EPHB2: variants seen among roughly 807,000 people sequenced by gnomAD.
The protein encoded by EPHB2 is ephrin type-B receptor 2.
In EPHB2, 18 loss-of-function variants were observed where a neutral mutation model predicts 96.4. The ratio of observed to expected loss-of-function variants is 0.19; its 90% confidence interval spans 0.13 to 0.28. The LOEUF is 0.28. EPHB2 is among the 10% of genes least tolerant of loss of function. EPHB2 has a pLI of 1.00. For synonymous variants in EPHB2, 506 were observed against 534.1 expected (o/e 0.95, Z 0.72); for missense variants, 989 against 1,355.4 (o/e 0.73, Z 4.25).
At chr1:22,823,313 G>A (rs1348060945) in intron 3 of EPHB2, among the ~76,000 whole-genome samples, 5 of 152,278 alleles carry the variant, frequency 3.3e-5, no homozygotes, top group Non-Finnish European at 4.4e-5. Context: ...GGAAGCCTTC[G>A]CTGACTCCTC....
rs1249080185 is a variant in EPHB2 at position 22,784,698 on chromosome 1, G to A, written c.433G>A (p.Glu145Lys). 5 of 1,613,974 alleles carry A rather than the reference G, an allele frequency of 3.1e-6. No individual in the cohort carries two copies. The highest frequency in any genetic ancestry group is 4.2e-6 in the Non-Finnish European group (5 of 1,180,030). ...GAAGGTGGATACCATTGCAGCCGAC[G>A]AGAGCTTCTCCCAGGTGGACCTGGG... ...WVKVDTIAAD[E>K]SFSQVDLGGR... The change falls in exon 3 of 16, where the codon GAG becomes AAG. Residue 145 changes from glutamate (E) to lysine (K), a missense_variant. Physicochemically the swap from Glu to Lys is moderately conservative, Grantham distance 56 (BLOSUM62 1). Coordinates refer to ENST00000374630, the MANE Select transcript of EPHB2 (RefSeq NM_017449.5). The surrounding 1 kb of genome is among the most constrained non-coding windows in gnomAD (Gnocchi z 5.1).
intron 5 of EPHB2, among the ~76,000 whole-genome samples, chr1:22,869,466 G>T (rs1009089960): frequency 6.6e-6 from 1 of 152,002 alleles, no homozygotes; most frequent in African/African-American, 2.4e-5. Flanking sequence ...ACAGGCAGGA[G>T]AAATCATCCT....
At chr1:22,890,318 G>A (rs1398279408) in intron 6 of EPHB2, among the ~76,000 whole-genome samples, 1 of 152,120 alleles carries the variant, frequency 6.6e-6, no homozygotes, top group Non-Finnish European at 1.5e-5. Context: ...GGATGTCAAG[G>A]AGGCTTCCTG....
intron 9 of EPHB2, among the ~76,000 whole-genome samples, chr1:22,898,758 A>G (rs572762630): frequency 7.9e-5 from 12 of 152,236 alleles, no homozygotes; most frequent in East Asian, 1.9e-4. Flanking sequence ...GGGAGAAGGT[A>G]GTGGGAAGTG....
chr1:22,755,400 G>A (rs1227164446), intron 1 of EPHB2, among the ~76,000 whole-genome samples: 2 of 152,162 alleles, frequency 1.3e-5, no homozygotes, highest in African/African-American at 4.8e-5. Flanking sequence ...TGCAGGGGAG[G>A]GGATGCCCCA....
rs1458534193 is a variant in EPHB2, at chr1:22,862,936, C to T, written c.812-101C>T. Reference sequence around the variant, plus strand: ...TTTCCAGCAGTGGTGCTGCATGGCCCCTCCGCGAGGCTGTGTGGCCCCTCC... The same window carrying T: ...TTTCCAGCAGTGGTGCTGCATGGCCTCTCCGCGAGGCTGTGTGGCCCCTCC... On this transcript the variant is annotated intron_variant, in intron 3 of 15. Transcript: ENST00000374630. 8 of 1,469,156 alleles carry T rather than the reference C, an allele frequency of 5.4e-6. No individual in the cohort carries two copies. In the East Asian group the frequency reaches 1.6e-4, roughly 29 times the overall value. The allele number at this position is 1,469,156 out of a possible 1,614,324, so 91.0% of individuals were successfully genotyped here.
At position 22,912,305 on chromosome 1, in the gene EPHB2, C is replaced by T. The variant is rs570902110; in HGVS notation, c.2697-139C>T. 9 of 1,233,850 alleles carry T rather than the reference C, an allele frequency of 7.3e-6. No homozygotes were observed. In the East Asian group the frequency reaches 9.5e-5, roughly 13 times the overall value. 76.4% of individuals were successfully genotyped at this position (1,233,850 alleles called of 1,614,324 possible). ...GCCCGCAATCATGCAGAAATACTCA[C>T]GTACATACCCCTTCACCTGTGTTCA... On this transcript the variant is annotated intron_variant, in intron 14 of 15. Transcript: ENST00000374630.
At chr1:22,864,306 A>G (rs1225666512) in intron 4 of EPHB2, among the ~76,000 whole-genome samples, 1 of 150,390 alleles carries the variant, frequency 6.6e-6, no homozygotes, top group Non-Finnish European at 1.5e-5. Context: ...TCGGCCTCCC[A>G]AAGTGCTGGG....
chr1:22,731,024 T>G (rs966884414), intron 1 of EPHB2, among the ~76,000 whole-genome samples: 1 of 151,942 alleles, frequency 6.6e-6, no homozygotes, highest in Admixed American at 6.6e-5. Flanking sequence ...CCTCACATAG[T>G]TTGGGGGATC....
chr1:22,745,569 C>A (rs891617962), intron 1 of EPHB2, among the ~76,000 whole-genome samples: 3 of 152,170 alleles, frequency 2.0e-5, no homozygotes, highest in Non-Finnish European at 2.9e-5. Flanking sequence ...ATGAGCTATA[C>A]CTCGATTAAA....
At chr1:22,819,207 CT>C (rs1645116562) in intron 3 of EPHB2, among the ~76,000 whole-genome samples, 1 of 67,640 alleles carries the variant, frequency 1.5e-5, no homozygotes, top group Non-Finnish European at 3.2e-5. Flanking sequence ...CAGCAGATGT[CT>C]CTCTCTCTCT....
rs114522169 is a variant in EPHB2, at chr1:22,798,228, G to A, written c.811+13152G>A. Reference sequence around the variant, plus strand: ...AGACATGGACCCTTTCAATCCTGCTGGGAGTAACGCTACTAACCAAGGCCC... The same window carrying A: ...AGACATGGACCCTTTCAATCCTGCTAGGAGTAACGCTACTAACCAAGGCCC... On this transcript the variant is annotated intron_variant, in intron 3 of 15. Coordinates refer to ENST00000374630, the MANE Select transcript of EPHB2 (RefSeq NM_017449.5). 5.1e-3 allele frequency among the ~76,000 whole-genome samples: 781 copies of A among 152,266 alleles called. 5 individuals are homozygous for A. Among genetic ancestry groups the A allele is most frequent in the African/African-American group, 0.018 (744 of 41,554 alleles).
chr1:22,826,835 G>A (rs1013571267), intron 3 of EPHB2, among the ~76,000 whole-genome samples: 34 of 152,298 alleles, frequency 2.2e-4, no homozygotes, highest in African/African-American at 8.2e-4. Context: ...CCCCAGGACA[G>A]CAAGCTCTTC....
At chr1:22,834,197 T>C (rs4654822) in intron 3 of EPHB2, among the ~76,000 whole-genome samples, 150,159 of 152,286 alleles carry the variant, frequency 0.99, 74,077 homozygotes, top group East Asian at 1. Context: ...AGCCCTGCTC[T>C]CAACAAAGAA....
intron 1 of EPHB2, among the ~76,000 whole-genome samples, chr1:22,746,610 A>G (rs1336990034): frequency 6.6e-6 from 1 of 152,214 alleles, no homozygotes; most frequent in Non-Finnish European, 1.5e-5. Context: ...GCAAAGAATA[A>G]CAAAACTTCC....
At chr1:22,868,068 G>A (rs780499244) in intron 5 of EPHB2, among the ~76,000 whole-genome samples, 24 of 152,124 alleles carry the variant, frequency 1.6e-4, no homozygotes, top group African/African-American at 3.6e-4. Context: ...CCCTGGTTGC[G>A]GGGAACTCTC....
chr1:22,759,815 CT>C (rs747791124), intron 1 of EPHB2, among the ~76,000 whole-genome samples: 2 of 152,174 alleles, frequency 1.3e-5, no homozygotes, highest in African/African-American at 2.4e-5. Flanking sequence ...TCCTTGATGA[CT>C]GTAGCACCCT....
rs370664820 is a variant in EPHB2, at chr1:22,892,931, G to T, written c.1476G>T (p.Thr492=). 6.2e-7 allele frequency: 1 copy of T among 1,614,210 alleles called. No homozygotes were observed. The highest frequency in any genetic ancestry group is 1.1e-5 in the South Asian group (1 of 91,086). ...CAGCCATAAAAAGCCCCACCAACAC[G>T]GTCACCGTGCAGGGCCTCAAAGCCG... ...NATAIKSPTN[T]VTVQGLKAGA... is the part of the protein sequence containing the mutation. Residue 492 remains threonine, a synonymous_variant, in exon 7 of 16, where the codon ACG becomes ACT. Transcript: ENST00000374630.
chr1:22,728,159 TTA>T (rs1352489307), intron 1 of EPHB2, among the ~76,000 whole-genome samples: 1 of 152,226 alleles, frequency 6.6e-6, no homozygotes, highest in African/African-American at 2.4e-5. Flanking sequence ...AGGGATTTTT[TTA>T]TCTCTTTTGT....
Sources: gnomAD v4.1 joint callset for allele counts (sites outside exome capture counted in the v4.1 genomes callset) on GRCh38, gnomAD v4.1.1 for gene constraint, Gnocchi (gnomAD v3.1) non-coding constraint, MANE v1.5 for transcripts, NCBI Gene and HGNC (gene_info 2026-07-23, HGNC 2026-07-21) for gene names.